The following UNC80 variants were observed in gnomAD, a reference collection of about 807,000 sequenced individuals.
The protein encoded by UNC80 is protein unc-80 homolog.
Under a neutral mutation model 384.6 loss-of-function variants are expected in UNC80, and 164 were observed. The ratio of observed to expected loss-of-function variants is 0.43; its 90% CI spans 0.38 to 0.49. UNC80 has a LOEUF of 0.49. Ranked by LOEUF, UNC80 falls within the 20% of genes least tolerant of loss-of-function variation. The pLI is 0.00. For missense variants in UNC80, 3,330 were observed against 4,143.0 expected, an observed-to-expected ratio of 0.80 and a Z score of 5.39; for synonymous variants, 1,486 against 1,527.8, an observed-to-expected ratio of 0.97 and a Z score of 0.64.
In UNC80 at chr2:209,888,226, T is replaced by C. The variant is rs1202466875; in HGVS notation, c.4242T>C (p.Thr1414=). 1.3e-6 allele frequency: 2 copies of C among 1,551,522 alleles called. No individual in the cohort carries two copies. The highest frequency in any genetic ancestry group is 1.7e-6 in the Non-Finnish European group (2 of 1,146,974). ...SKDSLHSSSH[T]LKSDAGVEEK... ...ATTCTCTCCACAGCAGCAGCCACACTCTCAAATCAGATGCAGGAGTCGAGG... is the reference window on the plus strand; with the variant it reads ...ATTCTCTCCACAGCAGCAGCCACACCCTCAAATCAGATGCAGGAGTCGAGG... Residue 1414 remains threonine, a synonymous_variant, in exon 26 of 65, where the codon ACT becomes ACC. Transcript: ENST00000673920.
intron 59 of UNC80, among the ~76,000 whole-genome samples, chr2:209,979,179 G>A (rs879831652): frequency 6.6e-6 from 1 of 152,152 alleles, no homozygotes; most frequent in Non-Finnish European, 1.5e-5. Context: ...AACCCGGGAG[G>A]CAGAGGTTGC....
At chr2:209,960,500 A>G (rs1046848244) in intron 51 of UNC80, among the ~76,000 whole-genome samples, 9 of 152,256 alleles carry the variant, frequency 5.9e-5, no homozygotes, top group Non-Finnish European at 8.8e-5. Context: ...TGTCATGGGT[A>G]ACAAAAGATT....
At chr2:209,792,065 A>T (rs2153825655) in intron 6 of UNC80, among the ~76,000 whole-genome samples, 1 of 152,222 alleles carries the variant, frequency 6.6e-6, no homozygotes, top group South Asian at 2.1e-4. Context: ...GCACTTTAGG[A>T]GGCTTAGGCA....
intron 28 of UNC80, among the ~76,000 whole-genome samples, chr2:209,903,412 T>C (rs1423246789): frequency 1.7e-5 from 2 of 118,848 alleles, no homozygotes; most frequent in Non-Finnish European, 3.3e-5. Context: ...ATTATATATA[T>C]ACACATTATA....
At position 209,772,148 on chromosome 2, in the gene UNC80, C is replaced by T; in HGVS notation, c.76C>T (p.Leu26=). 1 of 1,546,154 alleles carries T rather than the reference C, an allele frequency of 6.5e-7. No individual in the cohort carries two copies. Among genetic ancestry groups the T allele is most frequent in the Non-Finnish European group, 8.7e-7 (1 of 1,145,034 alleles). ...CATCCCCCTGCCCATCCAGACCTTC[C>T]TGTGGCGGCAAACCAGGTGAGGGGC... The part of the protein sequence containing the change: ...RGIPLPIQTF[L]WRQTSAFLRP... The change falls in exon 1 of 65, where the codon CTG becomes TTG. Residue 26 remains leucine (L), a synonymous_variant. Coordinates refer to ENST00000673920, the MANE Select transcript of UNC80 (RefSeq NM_001371986.1).
chr2:209,781,200 T>C, intron 4 of UNC80, among the ~76,000 whole-genome samples: 1 of 152,168 alleles, frequency 6.6e-6, no homozygotes, highest in Non-Finnish European at 1.5e-5. Context: ...TATTCTTGCT[T>C]CTATTTGCCT....
intron 21 of UNC80, among the ~76,000 whole-genome samples, chr2:209,848,083 A>G (rs1004718986): frequency 6.6e-6 from 1 of 152,098 alleles, no homozygotes; most frequent in Non-Finnish European, 1.5e-5. Context: ...GTTATAAAAA[A>G]TAACAGGAAT....
chr2:209,882,176 C>T (rs184241627), intron 25 of UNC80, among the ~76,000 whole-genome samples: 23 of 152,020 alleles, frequency 1.5e-4, no homozygotes, highest in Non-Finnish European at 2.8e-4. Flanking sequence ...CCATGTTAGC[C>T]GGGATGGTCT....
intron 29 of UNC80, 121 bp downstream of exon 29, chr2:209,905,086 T>A: frequency 1.0e-6 from 1 of 998,436 alleles, no homozygotes; most frequent in Non-Finnish European, 1.5e-6. Flanking sequence ...TGTGTGCATC[T>A]AAACATAAGC....
chr2:209,841,112 A>G, intron 20 of UNC80, among the ~76,000 whole-genome samples: 1 of 152,140 alleles, frequency 6.6e-6, no homozygotes. Flanking sequence ...CTTTTTCACT[A>G]CACTCCTCCT....
At chr2:209,798,174 A>G (rs1386962172) in intron 7 of UNC80, among the ~76,000 whole-genome samples, 1 of 152,194 alleles carries the variant, frequency 6.6e-6, no homozygotes, top group Non-Finnish European at 1.5e-5. Flanking sequence ...ATTAAATCCC[A>G]TTTGTCAATT....
At chr2:209,808,524 TAAAAA>T (rs535979983) in intron 7 of UNC80, among the ~76,000 whole-genome samples, 2 of 120,768 alleles carry the variant, frequency 1.7e-5, no homozygotes, top group Admixed American at 8.8e-5. Flanking sequence ...ATCGCGCCAC[TAAAAA>T]AAAAAAAAAA....
At chr2:209,844,492 C>T (rs200668118) in intron 21 of UNC80, among the ~76,000 whole-genome samples, 13,558 of 71,548 alleles carry the variant, frequency 0.19, 927 homozygotes, top group Non-Finnish European at 0.2. Context: ...TCCTTCCTTC[C>T]TTCCTTCCTT....
At chr2:209,815,130 A>G in intron 8 of UNC80, 127 bp from the exon 9 acceptor site, 1 of 853,576 alleles carries the variant, frequency 1.2e-6, no homozygotes, top group East Asian at 2.8e-5. Context: ...AAGTCCAGAC[A>G]TACAAGTTCA....
Position 209,976,537 on chromosome 2 carries a change from C to T in UNC80, c.8772+234C>T, listed in dbSNP as rs1049635099. ...TTGTTGGAGTCTGTAAAACTTTGCC[C>T]GCTCCCTACTAATCATCCCCCACTC... is the stretch of plus-strand genomic sequence containing the variant. On this transcript the variant is annotated intron_variant, in intron 57 of 64. Transcript: ENST00000673920. This position sits in a 1 kb window ranked among gnomAD's most constrained non-coding sequence, Gnocchi z 4.3. Among the ~76,000 whole-genome samples, 1 of 152,080 alleles carries T rather than the reference C, an allele frequency of 6.6e-6. No individual in the cohort carries two copies. The highest frequency in any genetic ancestry group is 2.4e-5 in the African/African-American group (1 of 41,378).
intron 28 of UNC80, among the ~76,000 whole-genome samples, chr2:209,901,646 G>T (rs2087417388): frequency 6.6e-6 from 1 of 152,094 alleles, no homozygotes; most frequent in Non-Finnish European, 1.5e-5. Flanking sequence ...TCATTTTGTG[G>T]CCAGGTGTGG....
At chr2:209,959,402 T>C in intron 50 of UNC80, 87 bp from the exon 51 acceptor site, 3 of 1,296,802 alleles carry the variant, frequency 2.3e-6, no homozygotes, top group Non-Finnish European at 3.2e-6. Context: ...AGGAATCTTA[T>C]ATTTTTCTTC....
chr2:209,969,758 T>C lies in UNC80; in HGVS notation c.8007-10T>C. The C allele has an allele frequency of 6.4e-7, 1 of 1,551,626 alleles. No homozygotes were observed. Among genetic ancestry groups the C allele is most frequent in the Non-Finnish European group, 8.7e-7 (1 of 1,146,934 alleles). ...GCCAAGACGCTAATGGCGCCTATAT[T>C]GTATTCCAGGCGACAGGTTGAGTGG... On this transcript the variant is annotated splice_polypyrimidine_tract_variant and intron_variant, in intron 52 of 64. Coordinates refer to ENST00000673920, the MANE Select transcript of UNC80 (RefSeq NM_001371986.1).
chr2:209,772,980 A>G (rs1389004734), intron 1 of UNC80, 114 bp from the exon 2 acceptor site: 2 of 830,588 alleles, frequency 2.4e-6, no homozygotes, highest in East Asian at 2.7e-5. Flanking sequence ...ATAAGGAAGC[A>G]TGAAATTTGA....
Sources: allele counts gnomAD v4.1 joint callset (sites outside exome capture counted in the v4.1 genomes callset), GRCh38; gene constraint gnomAD v4.1.1; non-coding constraint Gnocchi (gnomAD v3.1); transcripts MANE v1.5; gene names NCBI Gene and HGNC (gene_info 2026-07-23, HGNC 2026-07-21).